The following ADAMTS12 variants were observed in gnomAD, a reference collection of about 807,000 sequenced individuals.
ADAMTS12 encodes ADAM metallopeptidase with thrombospondin type 1 motif 12.
In ADAMTS12, 118 loss-of-function variants were observed where a neutral mutation model predicts 167.8. That is an observed-to-expected ratio of 0.70 (90% confidence interval 0.61 to 0.82). ADAMTS12 has a LOEUF of 0.82. Ranked by LOEUF, ADAMTS12 falls within the 40% of genes least tolerant of loss-of-function variation. The probability of loss-of-function intolerance (pLI) is 0.00; values close to 1 mark genes in which losing one functional copy is unlikely to be tolerated. For synonymous variants in ADAMTS12, 704 were observed against 716.9 expected, an observed-to-expected ratio of 0.98 and a Z score of 0.29; for missense variants, 1,916 against 1,998.8, an observed-to-expected ratio of 0.96 and a Z score of 0.79.
intron 5 of ADAMTS12, among the ~76,000 whole-genome samples, chr5:33,663,907 T>C (rs1403125843): frequency 6.6e-6 from 1 of 152,214 alleles, no homozygotes; most frequent in African/African-American, 2.4e-5. Context: ...TTACCACTTA[T>C]AATTGTTACA....
At chr5:33,870,418 A>C (rs1175119874) in intron 2 of ADAMTS12, among the ~76,000 whole-genome samples, 1 of 152,196 alleles carries the variant, frequency 6.6e-6, no homozygotes, top group Non-Finnish European at 1.5e-5. Context: ...TGGGGAAGGA[A>C]CTAACAAATG....
At chr5:33,885,526 A>T (rs967720193) in intron 1 of ADAMTS12, among the ~76,000 whole-genome samples, 1 of 152,362 alleles carries the variant, frequency 6.6e-6, no homozygotes, top group East Asian at 1.9e-4. Flanking sequence ...GCTTTTCCCA[A>T]TTAAAAATAA....
At chr5:33,683,288 C>A (rs557152302) in intron 4 of ADAMTS12, among the ~76,000 whole-genome samples, 187 bp from the exon 5 acceptor site, 6 of 152,284 alleles carry the variant, frequency 3.9e-5, no homozygotes, top group African/African-American at 1.4e-4. Context: ...TAAACAAAAT[C>A]TTTCAGGGTG....
intron 3 of ADAMTS12, among the ~76,000 whole-genome samples, chr5:33,712,572 A>C (rs541402690): frequency 6.6e-6 from 1 of 152,292 alleles, no homozygotes; most frequent in South Asian, 2.1e-4. Flanking sequence ...TAGTTACTAT[A>C]GGTTTTAGGA....
In ADAMTS12 at chr5:33,778,980, T is replaced by C. The variant is rs748910130; in HGVS notation, c.490-27432A>G. On this transcript the variant is annotated intron_variant, in intron 2 of 23. Transcript: ENST00000504830. Reference sequence around the variant, plus strand: ...ACCATCTCATACCTGTTAGAATGGCTATTATCAAAAAGACAAAGGATAACA... The same window carrying C: ...ACCATCTCATACCTGTTAGAATGGCCATTATCAAAAAGACAAAGGATAACA... Among the ~76,000 whole-genome samples the C allele has an allele frequency of 1.0e-3, 152 of 152,176 alleles. 2 individuals are homozygous for C. Among genetic ancestry groups the C allele is most frequent in the Admixed American group, 5.4e-3 (82 of 15,276 alleles).
intron 22 of ADAMTS12, among the ~76,000 whole-genome samples, chr5:33,540,378 G>C (rs1744633449): frequency 6.6e-6 from 1 of 152,264 alleles, no homozygotes; most frequent in African/African-American, 2.4e-5. Context: ...TCTGTGGGCA[G>C]GGCATAGCTG....
At chr5:33,577,409 C>T (rs1746814711) in intron 18 of ADAMTS12, among the ~76,000 whole-genome samples, 1 of 152,202 alleles carries the variant, frequency 6.6e-6, no homozygotes, top group African/African-American at 2.4e-5. Context: ...TGTAGTCAAA[C>T]TGCAGTCCCT....
At chr5:33,727,322 G>T (rs1041871399) in intron 3 of ADAMTS12, among the ~76,000 whole-genome samples, 1 of 152,030 alleles carries the variant, frequency 6.6e-6, no homozygotes, top group Non-Finnish European at 1.5e-5. Context: ...GGTCCATTGG[G>T]CTCTCGCCTC....
chr5:33,715,589 G>A (rs931642865), intron 3 of ADAMTS12, among the ~76,000 whole-genome samples: 1 of 152,190 alleles, frequency 6.6e-6, no homozygotes, highest in Non-Finnish European at 1.5e-5. Context: ...TCTTCAGACC[G>A]AGCTAATTCT....
chr5:33,844,980 T>A (rs143016701), intron 2 of ADAMTS12, among the ~76,000 whole-genome samples: 35 of 152,274 alleles, frequency 2.3e-4, no homozygotes, highest in African/African-American at 5.8e-4. Flanking sequence ...TTATTTAAAA[T>A]TTTCAGACCA....
chr5:33,846,138 A>G (rs1748935279), intron 2 of ADAMTS12, among the ~76,000 whole-genome samples: 1 of 152,192 alleles, frequency 6.6e-6, no homozygotes, highest in Non-Finnish European at 1.5e-5. Context: ...ACAAACCCAA[A>G]CTGAGGGACA....
chr5:33,801,030 G>A (rs1052961266), intron 2 of ADAMTS12, among the ~76,000 whole-genome samples: 3 of 152,146 alleles, frequency 2.0e-5, no homozygotes, highest in African/African-American at 7.2e-5. Flanking sequence ...AGAAGGTGCT[G>A]GAACCATGGA....
At chr5:33,528,429 TA>T (rs1324950617) in intron 23 of ADAMTS12, among the ~76,000 whole-genome samples, 1 of 152,102 alleles carries the variant, frequency 6.6e-6, no homozygotes, top group African/African-American at 2.4e-5. Flanking sequence ...ATTGAAATTG[TA>T]AAAAAGAAAA....
intron 12 of ADAMTS12, among the ~76,000 whole-genome samples, chr5:33,633,473 A>G (rs1223771057): frequency 6.6e-6 from 1 of 151,622 alleles, no homozygotes; most frequent in Non-Finnish European, 1.5e-5. Flanking sequence ...ATGACAGCAT[A>G]CAGGTCCTCT....
chr5:33,532,464 C>T (rs1744152620), intron 23 of ADAMTS12, among the ~76,000 whole-genome samples: 1 of 148,364 alleles, frequency 6.7e-6, no homozygotes, highest in Non-Finnish European at 1.5e-5. Flanking sequence ...GATCTAAGTA[C>T]TGTTTCTATT....
intron 2 of ADAMTS12, among the ~76,000 whole-genome samples, chr5:33,772,603 C>T (rs1300421268): frequency 6.6e-6 from 1 of 152,088 alleles, no homozygotes; most frequent in African/African-American, 2.4e-5. Flanking sequence ...AAGCATATGC[C>T]CAAATGAAAA....
chr5:33,666,039 T>C (rs891620395), intron 5 of ADAMTS12, among the ~76,000 whole-genome samples: 8 of 152,254 alleles, frequency 5.3e-5, no homozygotes, highest in African/African-American at 9.6e-5. Flanking sequence ...CTAAAGGGTA[T>C]TTAAACTCCC....
intron 3 of ADAMTS12, among the ~76,000 whole-genome samples, chr5:33,724,694 G>A (rs1323181236): frequency 2.0e-5 from 3 of 152,050 alleles, no homozygotes; most frequent in Non-Finnish European, 4.4e-5. Flanking sequence ...TGGGATTACA[G>A]GCGCCCGCCA....
intron 3 of ADAMTS12, among the ~76,000 whole-genome samples, chr5:33,713,986 CT>C (rs1346119827): frequency 6.6e-6 from 1 of 152,106 alleles, no homozygotes; most frequent in African/African-American, 2.4e-5. Flanking sequence ...GGTTGGACCC[CT>C]GTCCTCCAGG....
Sources: allele counts gnomAD v4.1 joint callset (sites outside exome capture counted in the v4.1 genomes callset), GRCh38; gene constraint gnomAD v4.1.1; transcripts MANE v1.5; gene names NCBI Gene and HGNC (gene_info 2026-07-23, HGNC 2026-07-21).